LRRC2: variants seen among roughly 807,000 people sequenced by gnomAD.
LRRC2 encodes leucine-rich repeat-containing protein 2.
LRRC2 carries 27 observed loss-of-function variants against 40.2 expected under a neutral mutation model. The ratio of observed to expected loss-of-function variants is 0.67; its 90% CI spans 0.49 to 0.93. The LOEUF (loss-of-function observed/expected upper bound fraction) is 0.93. Among genes scored for constraint, LRRC2 ranks in the 40% least tolerant of loss-of-function variants. LRRC2 has a pLI of 0.00. For synonymous variants in LRRC2, 147 were observed against 158.9 expected, an observed-to-expected ratio of 0.92 and a Z score of 0.56; for missense variants, 402 against 439.6, an observed-to-expected ratio of 0.91 and a Z score of 0.76.
chr3:46,523,755 C>T (rs1235963466), intron 7 of LRRC2, among the ~76,000 whole-genome samples: 2 of 151,798 alleles, frequency 1.3e-5, no homozygotes, highest in Admixed American at 1.3e-4. Flanking sequence ...ATCCATCCAT[C>T]TATCCACCCA....
intron 5 of LRRC2, among the ~76,000 whole-genome samples, chr3:46,531,306 G>A (rs1422341947): frequency 1.3e-5 from 2 of 152,034 alleles, no homozygotes; most frequent in African/African-American, 2.4e-5. Flanking sequence ...GGTAGTGGGT[G>A]GGGGAGGAGT....
intron 3 of LRRC2, among the ~76,000 whole-genome samples, chr3:46,541,100 G>A (rs563594066): frequency 1.3e-5 from 2 of 152,278 alleles, no homozygotes; most frequent in Admixed American, 6.5e-5. Flanking sequence ...TTGGGAGGCC[G>A]AGGCGGGCAG....
At chr3:46,542,353 G>A (rs555078459) in intron 3 of LRRC2, among the ~76,000 whole-genome samples, 21 of 151,562 alleles carry the variant, frequency 1.4e-4, no homozygotes, top group African/African-American at 4.1e-4. Flanking sequence ...TAAATTAGCC[G>A]AGTGTGGTGG....
At chr3:46,531,399 A>G (rs1398129112) in intron 5 of LRRC2, among the ~76,000 whole-genome samples, 1 of 152,124 alleles carries the variant, frequency 6.6e-6, no homozygotes, top group Non-Finnish European at 1.5e-5. Flanking sequence ...ATAAAGGAGG[A>G]AAAGGTAGAA....
chr3:46,557,403 G>C (rs7649902), intron 1 of LRRC2: 65,127 of 151,892 alleles, frequency 0.43, 14,499 homozygotes, highest in East Asian at 0.78. Context: ...TTCGCTGACT[G>C]TTTTCGGACT....
intron 4 of LRRC2, 101 bp from the exon 5 acceptor site, chr3:46,533,010 G>C: frequency 1.7e-6 from 2 of 1,191,984 alleles, no homozygotes; most frequent in African/African-American, 1.5e-5. Context: ...AATAATGATG[G>C]GGAAGGAACT....
intron 2 of LRRC2, chr3:46,551,204 G>C (rs1414616106): frequency 2.2e-5 from 6 of 267,982 alleles, no homozygotes; most frequent in Non-Finnish European, 3.5e-5. Flanking sequence ...CATTTACTGT[G>C]GGGGGATTTA....
At chr3:46,544,560 C>A (rs1704483877) in intron 3 of LRRC2, among the ~76,000 whole-genome samples, 1 of 152,208 alleles carries the variant, frequency 6.6e-6, no homozygotes, top group Admixed American at 6.5e-5. Flanking sequence ...ATGAAATGGG[C>A]AATAGCCCAA....
At chr3:46,532,111 T>C (rs185353374) in intron 5 of LRRC2, among the ~76,000 whole-genome samples, 1 of 152,312 alleles carries the variant, frequency 6.6e-6, no homozygotes, top group East Asian at 1.9e-4. Flanking sequence ...TATGAGTATA[T>C]AAAAAATTTT....
Position 46,532,840 on chromosome 3 carries a change from C to T in LRRC2, c.560G>A (p.Gly187Glu). The T allele has an allele frequency of 6.2e-7, 1 of 1,613,982 alleles. No individual in the cohort carries two copies. Among genetic ancestry groups the T allele is most frequent in the Non-Finnish European group, 8.5e-7 (1 of 1,179,912 alleles). ...CAGTCTCTCTAGATTTTCACAATCTCCCAATTCTGGAGGAATGCTCTTCAG... is the reference window on the plus strand; with the variant it reads ...CAGTCTCTCTAGATTTTCACAATCTTCCAATTCTGGAGGAATGCTCTTCAG... ...NYLKSIPPEL[G>E]DCENLERLDC... The change falls in exon 5 of 9, where the codon GGA becomes GAA. Residue 187 changes from glycine (G) to glutamate (E), a missense_variant. Gly to Glu is a moderately conservative substitution (Grantham distance 98). Transcript: ENST00000395905.
At chr3:46,523,707 C>T (rs543042464) in intron 7 of LRRC2, among the ~76,000 whole-genome samples, 12 of 152,114 alleles carry the variant, frequency 7.9e-5, no homozygotes, top group African/African-American at 2.4e-4. Flanking sequence ...ATCCACCCAT[C>T]CATCTACCCA....
At chr3:46,538,971 A>G in intron 4 of LRRC2, 74 bp downstream of exon 4, 1 of 1,472,524 alleles carries the variant, frequency 6.8e-7, no homozygotes, top group Non-Finnish European at 9.3e-7. Context: ...GTGTCTGCAC[A>G]GTGTCTGTCA....
chr3:46,534,581 C>T (rs960742342), intron 4 of LRRC2, among the ~76,000 whole-genome samples: 2 of 151,980 alleles, frequency 1.3e-5, no homozygotes, highest in African/African-American at 2.4e-5. Flanking sequence ...TTACATCTAA[C>T]CATTGTAAAC....
At chr3:46,555,973 T>C (rs183158605) in intron 1 of LRRC2, among the ~76,000 whole-genome samples, 131 of 152,334 alleles carry the variant, frequency 8.6e-4, no homozygotes, top group African/African-American at 3.0e-3. Context: ...TTGAAAGCAA[T>C]CTTTTCTTTT....
At chr3:46,534,189 T>C (rs1370016349) in intron 4 of LRRC2, among the ~76,000 whole-genome samples, 1 of 152,164 alleles carries the variant, frequency 6.6e-6, no homozygotes, top group Non-Finnish European at 1.5e-5. Context: ...TGGTTTTCTG[T>C]TCCTTGTGTT....
intron 8 of LRRC2, among the ~76,000 whole-genome samples, chr3:46,520,597 T>C (rs1322583223): frequency 2.0e-5 from 3 of 152,234 alleles, no homozygotes; most frequent in African/African-American, 7.2e-5. Flanking sequence ...TATCTGAATG[T>C]GACTAATCGT....
chr3:46,521,563 T>G lies in LRRC2; in HGVS notation c.1025A>C (p.Lys342Thr). 6.2e-7 allele frequency: 1 copy of G among 1,612,636 alleles called. No individual in the cohort carries two copies. The highest frequency in any genetic ancestry group is 8.5e-7 in the Non-Finnish European group (1 of 1,179,388). Reference protein sequence around the residue: ...ESERDRQHFDKEVMKAYIEDL... With the variant: ...ESERDRQHFDTEVMKAYIEDL... ...TTCAATATAGGCTTTCATAACTTCT[T>G]TATCAAAATGTTGGCGATCCCGTTC... The change falls in exon 8 of 9, where the codon AAA becomes ACA. Residue 342 changes from lysine to threonine, a missense_variant. By Grantham distance (78) the Lys-to-Thr change is moderately conservative. Transcript: ENST00000395905.
At chr3:46,534,423 C>CTTTCTTCCTTT (rs1559412272) in intron 4 of LRRC2, among the ~76,000 whole-genome samples, 5 of 101,022 alleles carry the variant, frequency 4.9e-5, no homozygotes, top group African/African-American at 1.9e-4. Context: ...TTCCTTCCTT[C>CTTTCTTCCTTT]CTTTCTTTCT....
chr3:46,557,658 T>C (rs534701360), intron 1 of LRRC2: 2 of 152,390 alleles, frequency 1.3e-5, no homozygotes, highest in Admixed American at 1.3e-4. Flanking sequence ...TTTCTATCTT[T>C]CCATTCATAC....
Sources: gnomAD v4.1 joint callset for allele counts (sites outside exome capture counted in the v4.1 genomes callset) on GRCh38, gnomAD v4.1.1 for gene constraint, MANE v1.5 for transcripts, NCBI Gene and HGNC (gene_info 2026-07-23, HGNC 2026-07-21) for gene names.